CNTN5: variants seen among roughly 807,000 people sequenced by gnomAD.
The protein encoded by CNTN5 is contactin 5.
In CNTN5, 77 loss-of-function variants were observed where a neutral mutation model predicts 129.1. The observed-to-expected ratio is 0.60, with a 90% CI of 0.50 to 0.72. The LOEUF (loss-of-function observed/expected upper bound fraction) is 0.72. Among genes scored for constraint, CNTN5 ranks in the 30% least tolerant of loss-of-function variants. The pLI, the probability that CNTN5 is intolerant of heterozygous loss-of-function variation, is 0.00. For missense variants in CNTN5, 1,478 were observed against 1,328.8 expected, an observed-to-expected ratio of 1.11 and a Z score of -1.75; for synonymous variants, 509 against 465.6, an observed-to-expected ratio of 1.09 and a Z score of -1.20.
At chr11:99,242,812 A>T (rs780351770) in intron 1 of CNTN5, among the ~76,000 whole-genome samples, 3 of 152,060 alleles carry the variant, frequency 2.0e-5, no homozygotes, top group Non-Finnish European at 4.4e-5. Flanking sequence ...AAAGGACATG[A>T]TCTTGTTCTT....
intron 3 of CNTN5, among the ~76,000 whole-genome samples, chr11:99,754,007 C>T (rs972337343): frequency 1.3e-5 from 2 of 149,900 alleles, no homozygotes; most frequent in African/African-American, 4.9e-5. Context: ...AAATAAATAA[C>T]AACAACAAAA....
intron 2 of CNTN5, among the ~76,000 whole-genome samples, chr11:99,401,112 T>C (rs1182774595): frequency 1.3e-5 from 2 of 152,160 alleles, no homozygotes; most frequent in African/African-American, 2.4e-5. Flanking sequence ...ATTTTTGCTT[T>C]GGTTGTCTGT....
chr11:100,031,091 A>G (rs993068853), intron 9 of CNTN5, among the ~76,000 whole-genome samples: 3 of 152,330 alleles, frequency 2.0e-5, no homozygotes, highest in Middle Eastern at 3.4e-3. Flanking sequence ...AGCAGCTGCT[A>G]GCATCAAATA....
intron 6 of CNTN5, among the ~76,000 whole-genome samples, chr11:99,850,724 C>T (rs1947846835): frequency 6.6e-6 from 1 of 151,854 alleles, no homozygotes; most frequent in Admixed American, 6.6e-5. Flanking sequence ...TAGTACAGAC[C>T]ATAAAGTGAA....
At chr11:100,055,103 A>T (rs1943152777) in intron 9 of CNTN5, among the ~76,000 whole-genome samples, 1 of 149,804 alleles carries the variant, frequency 6.7e-6, no homozygotes, top group East Asian at 1.9e-4. Flanking sequence ...TTGGAAAGAG[A>T]TGAGGTTTCC....
intron 24 of CNTN5, among the ~76,000 whole-genome samples, 152 bp from the exon 25 acceptor site, chr11:100,355,965 C>G (rs989086054): frequency 6.6e-6 from 1 of 151,664 alleles, no homozygotes; most frequent in Non-Finnish European, 1.5e-5. Context: ...TTGGGAACCT[C>G]AGATAATGTC....
chr11:99,194,759 C>A (rs991912893), intron 1 of CNTN5, among the ~76,000 whole-genome samples: 1 of 152,116 alleles, frequency 6.6e-6, no homozygotes, highest in Non-Finnish European at 1.5e-5. Context: ...GTGCATGCCG[C>A]CATGCCCAGC....
intron 1 of CNTN5, among the ~76,000 whole-genome samples, chr11:99,153,066 C>T (rs899072093): frequency 1.3e-5 from 2 of 152,098 alleles, no homozygotes; most frequent in East Asian, 1.9e-4. Context: ...TCTCTAGCTG[C>T]CTTTAACATT....
chr11:99,487,280 C>T (rs1471134424), intron 2 of CNTN5, among the ~76,000 whole-genome samples: 1 of 152,168 alleles, frequency 6.6e-6, no homozygotes. Flanking sequence ...TGAAGACCAT[C>T]AGAAGAAGGA....
chr11:99,916,057 T>G lies in CNTN5; in HGVS notation c.581T>G (p.Leu194Arg). ...AAATGTTTTATTATGTTGACAGATC[T>G]GGGAAATTTTAGTGGCCGGACAAGA... Reference protein sequence around the residue: ...SREATLQFAYLGNFSGRTRSA... With the variant: ...SREATLQFAYRGNFSGRTRSA... Residue 194 changes from leucine (L) to arginine (R), a missense_variant, in exon 7 of 25, where the codon CTG becomes CGG. Leu to Arg is a moderately radical substitution (Grantham distance 102). Transcript: ENST00000524871. The G allele has an allele frequency of 6.2e-7, 1 of 1,611,130 alleles. No individual in the cohort carries two copies. Among genetic ancestry groups the G allele is most frequent in the East Asian group, 2.2e-5 (1 of 44,752 alleles).
At chr11:99,900,014 C>T (rs77573938) in intron 6 of CNTN5, among the ~76,000 whole-genome samples, 133 of 151,638 alleles carry the variant, frequency 8.8e-4, no homozygotes, top group African/African-American at 3.2e-3. Context: ...TTCTAGCTTG[C>T]GTTCATAAAG....
At chr11:99,978,028 T>A (rs1399793360) in intron 8 of CNTN5, among the ~76,000 whole-genome samples, 3 of 152,230 alleles carry the variant, frequency 2.0e-5, no homozygotes, top group African/African-American at 7.2e-5. Flanking sequence ...TATATGACAG[T>A]GGTCTCATGA....
intron 1 of CNTN5, among the ~76,000 whole-genome samples, chr11:99,039,643 C>T (rs1863909139): frequency 6.6e-6 from 1 of 152,106 alleles, no homozygotes; most frequent in Non-Finnish European, 1.5e-5. Context: ...AAATTACCTT[C>T]TTACCTCTGT....
intron 2 of CNTN5, among the ~76,000 whole-genome samples, chr11:99,377,083 A>C (rs1002561330): frequency 2.6e-5 from 4 of 152,152 alleles, no homozygotes; most frequent in Non-Finnish European, 5.9e-5. Flanking sequence ...AAATTCTGTC[A>C]GGAAGCGGGT....
intron 4 of CNTN5, among the ~76,000 whole-genome samples, chr11:99,823,670 G>A (rs979329928): frequency 1.3e-5 from 2 of 151,972 alleles, no homozygotes; most frequent in African/African-American, 4.8e-5. Context: ...TTTCATGAAA[G>A]TGTCTTGTGA....
chr11:99,694,163 C>T (rs188442381), intron 3 of CNTN5, among the ~76,000 whole-genome samples: 40 of 152,180 alleles, frequency 2.6e-4, no homozygotes, highest in Non-Finnish European at 4.3e-4. Context: ...TATCACAATA[C>T]GGCTCTGAAG....
chr11:99,251,575 A>T (rs1433858124), intron 1 of CNTN5, among the ~76,000 whole-genome samples: 1 of 151,942 alleles, frequency 6.6e-6, no homozygotes, highest in Non-Finnish European at 1.5e-5. Flanking sequence ...AGATTTAAAA[A>T]ATGAATTTGG....
intron 1 of CNTN5, among the ~76,000 whole-genome samples, chr11:99,227,103 A>G (rs954582034): frequency 6.6e-6 from 1 of 152,008 alleles, no homozygotes; most frequent in South Asian, 2.1e-4. Context: ...GCTCCTGCCT[A>G]TAATCCCAGC....
At chr11:99,817,453 C>G (rs191067680) in intron 3 of CNTN5, among the ~76,000 whole-genome samples, 57 of 152,264 alleles carry the variant, frequency 3.7e-4, no homozygotes, top group Non-Finnish European at 1.8e-4. Context: ...AGATTTATAG[C>G]CACAATGATG....
Sources: allele counts gnomAD v4.1 joint callset (sites outside exome capture counted in the v4.1 genomes callset), GRCh38; gene constraint gnomAD v4.1.1; transcripts MANE v1.5; gene names NCBI Gene and HGNC (gene_info 2026-07-23, HGNC 2026-07-21).